The following KDM1A variants were observed in gnomAD, a reference collection of about 807,000 sequenced individuals.
The protein encoded by KDM1A is lysine-specific histone demethylase 1A.
A neutral mutation model predicts 109.4 loss-of-function variants in KDM1A; 49 were observed. That is an observed-to-expected ratio of 0.45 (90% CI 0.36 to 0.57). The LOEUF (loss-of-function observed/expected upper bound fraction) is 0.57, where lower values mean the gene tolerates loss of function less well. Among genes scored for constraint, KDM1A ranks in the 20% least tolerant of loss-of-function variants. The pLI, the probability that KDM1A is intolerant of heterozygous loss-of-function variation, is 0.00. For missense variants in KDM1A, 668 were observed against 1,116.6 expected, an observed-to-expected ratio of 0.60 and a Z score of 5.73; for synonymous variants, 380 against 415.4, an observed-to-expected ratio of 0.91 and a Z score of 1.04.
Position 23,057,522 on chromosome 1 carries a change from A to T in KDM1A, c.1029A>T (p.Gly343=). Residue 343 remains glycine (G), a synonymous_variant, in exon 8 of 21, where the codon GGA becomes GGT. Transcript: ENST00000400181. ...VGGRVATFRK[G]NYVADLGAMV... is the part of the protein sequence containing the mutation. Reference sequence around the variant, plus strand: ...GACGAGTTGCCACATTTCGCAAAGGAAACTATGTAGCTGATCTTGGAGCCA... The same window carrying T: ...GACGAGTTGCCACATTTCGCAAAGGTAACTATGTAGCTGATCTTGGAGCCA... The T allele has an allele frequency of 6.2e-7, 1 of 1,613,954 alleles. No homozygotes were observed. The highest frequency in any genetic ancestry group is 8.5e-7 in the Non-Finnish European group (1 of 1,179,896).
In KDM1A at chr1:23,055,138, A is replaced by G. The variant is rs1228804697; in HGVS notation, c.860A>G (p.Tyr287Cys). ...CATGGTCTTATCAACTTCGGCATCT[A>G]TAAGAGGATAAAACCCCTACCAAGT... is the stretch of plus-strand genomic sequence containing the variant. ...ERHGLINFGI[Y>C]KRIKPLPTKK... is the part of the protein sequence containing the mutation. Residue 287 changes from tyrosine (Y) to cysteine (C), a missense_variant, in exon 6 of 21, where the codon TAT (tyrosine) becomes TGT (cysteine). Physicochemically the swap from Tyr to Cys is radical, Grantham distance 194. Transcript: ENST00000400181. 4.3e-6 allele frequency: 7 copies of G among 1,610,818 alleles called. No individual in the cohort carries two copies. Among genetic ancestry groups the G allele is most frequent in the African/African-American group, 2.7e-5 (2 of 74,802 alleles).
intron 20 of KDM1A, 112 bp from the exon 21 acceptor site, chr1:23,083,067 G>A: frequency 6.8e-6 from 6 of 887,394 alleles, no homozygotes; most frequent in Non-Finnish European, 1.1e-5. Flanking sequence ...AATAGTAATT[G>A]GGGGGGTCAG....
At chr1:23,040,240 C>A (rs1445038786) in intron 2 of KDM1A, among the ~76,000 whole-genome samples, 1 of 152,156 alleles carries the variant, frequency 6.6e-6, no homozygotes, top group African/African-American at 2.4e-5. Flanking sequence ...TGATTTTCAC[C>A]TCCTTGTTTG....
At chr1:23,067,224 T>C (rs988405273) in intron 10 of KDM1A, among the ~76,000 whole-genome samples, 1 of 152,250 alleles carries the variant, frequency 6.6e-6, no homozygotes, top group Non-Finnish European at 1.5e-5. Flanking sequence ...ATGTATAGTC[T>C]TTGGGAACTT....
At chr1:23,077,463 T>A in intron 16 of KDM1A, 103 bp downstream of exon 16, 3 of 1,233,334 alleles carry the variant, frequency 2.4e-6, no homozygotes, top group Non-Finnish European at 3.3e-6. Flanking sequence ...AGAGTGTTTA[T>A]GACACCATAG....
intron 8 of KDM1A, among the ~76,000 whole-genome samples, chr1:23,058,578 C>G (rs963445462): frequency 2.0e-5 from 3 of 152,124 alleles, no homozygotes; most frequent in Non-Finnish European, 4.4e-5. Context: ...GAACTCCTGG[C>G]CTCAAGAGAT....
At chr1:23,050,579 G>A in intron 4 of KDM1A, 59 bp downstream of exon 4, 1 of 1,308,676 alleles carries the variant, frequency 7.6e-7, no homozygotes, top group East Asian at 2.6e-5. Flanking sequence ...GGCTTTGATA[G>A]AGAATATGGG....
At chr1:23,044,583 GC>G in intron 3 of KDM1A, 97 bp downstream of exon 3, 1 of 1,006,010 alleles carries the variant, frequency 9.9e-7, no homozygotes, top group Non-Finnish European at 1.4e-6. Flanking sequence ...CCACATTTTA[GC>G]CAGAAGCGCA....
intron 1 of KDM1A, 32 bp from the exon 2 acceptor site, chr1:23,030,437 A>C: frequency 6.9e-7 from 1 of 1,447,122 alleles, no homozygotes; most frequent in Non-Finnish European, 9.1e-7. Context: ...TGTTCACTGC[A>C]TTTAGCTTTC....
rs753403638 is a variant in KDM1A, at chr1:23,068,696, A to AC, written c.1322+16dup. The AC allele has an allele frequency of 6.5e-7, 1 of 1,532,532 alleles. No individual in the cohort carries two copies. Among genetic ancestry groups the AC allele is most frequent in the Non-Finnish European group, 8.7e-7 (1 of 1,149,374 alleles). 94.9% of individuals were successfully genotyped at this position (1,532,532 alleles called of 1,614,324 possible). ...GTTGTCATTCAGTAAGTACTTTGAT[A>AC]CTGCTTATTGTATAGTGAGTTCCAT... On this transcript the variant is annotated intron_variant, in intron 11 of 20. Transcript: ENST00000400181.
At chr1:23,067,372 G>A (rs552853450) in intron 10 of KDM1A, among the ~76,000 whole-genome samples, 17 of 152,228 alleles carry the variant, frequency 1.1e-4, no homozygotes, top group African/African-American at 2.4e-4. Context: ...GGCTCATCTC[G>A]TAGTGTTACT....
At chr1:23,055,349 TAATA>T (rs1642801886) in intron 6 of KDM1A, 188 bp downstream of exon 6, 2 of 315,628 alleles carry the variant, frequency 6.3e-6, no homozygotes, top group South Asian at 1.4e-4. Context: ...TATAGTCTCT[TAATA>T]AATGTGCATT....
intron 8 of KDM1A, among the ~76,000 whole-genome samples, chr1:23,058,512 G>C (rs907943255): frequency 6.6e-5 from 10 of 152,118 alleles, no homozygotes; most frequent in African/African-American, 2.4e-4. Context: ...CACAACGCCC[G>C]GCCTTGTTTG....
intron 1 of KDM1A, among the ~76,000 whole-genome samples, chr1:23,026,282 C>T (rs1641798451): frequency 6.6e-6 from 1 of 151,218 alleles, no homozygotes; most frequent in African/African-American, 2.4e-5. Context: ...TTTTGTGGTA[C>T]ATAGTAGGTA....
intron 9 of KDM1A, among the ~76,000 whole-genome samples, chr1:23,061,408 A>G (rs1335420017): frequency 2.6e-5 from 4 of 152,218 alleles, no homozygotes; most frequent in African/African-American, 9.6e-5. Context: ...ATTTTTCCCA[A>G]CGAAATTGGT....
At chr1:23,021,853 A>G (rs2124328007) in intron 1 of KDM1A, among the ~76,000 whole-genome samples, 1 of 152,056 alleles carries the variant, frequency 6.6e-6, no homozygotes, top group South Asian at 2.1e-4. Context: ...AGTCCTCCCT[A>G]CCCCCAGTCC....
At chr1:23,068,721 T>C in intron 11 of KDM1A, 40 bp downstream of exon 11, 1 of 1,421,468 alleles carries the variant, frequency 7.0e-7, no homozygotes, top group Non-Finnish European at 9.2e-7. Flanking sequence ...GTGAGTTCCA[T>C]GTGTAAAGAT....
At chr1:23,047,906 C>CAA (rs565109473) in intron 3 of KDM1A, among the ~76,000 whole-genome samples, 9 of 71,348 alleles carry the variant, frequency 1.3e-4, no homozygotes, top group Non-Finnish European at 1.6e-4. Context: ...TTCCCCCTGC[C>CAA]AAAAAAAAAA....
chr1:23,078,841 C>G lies in KDM1A; in HGVS notation c.1868-149C>G, dbSNP rs1643539520. 4.1e-6 allele frequency: 3 copies of G among 735,138 alleles called. No individual in the cohort carries two copies. In the South Asian group the frequency reaches 5.5e-5, roughly 14 times the overall value. The allele number at this position is 735,138 out of a possible 1,614,324, so 45.5% of individuals were successfully genotyped here. ...CTTAGATGAGTTATTTCACCTCTAC[C>G]TCAGTTTTCTTATGTGAAACATGAA... On this transcript the variant is annotated intron_variant, in intron 16 of 20. Coordinates refer to ENST00000400181, the MANE Select transcript of KDM1A (RefSeq NM_001009999.3).
Sources: allele counts gnomAD v4.1 joint callset (sites outside exome capture counted in the v4.1 genomes callset), GRCh38; gene constraint gnomAD v4.1.1; transcripts MANE v1.5; gene names NCBI Gene and HGNC (gene_info 2026-07-23, HGNC 2026-07-21).